The following SEMA3A variants were observed in gnomAD, a reference collection of about 807,000 sequenced individuals.
SEMA3A encodes semaphorin 3A.
In SEMA3A, 29 loss-of-function variants were observed where a neutral mutation model predicts 97.9. That is an observed-to-expected ratio of 0.30 (90% CI 0.22 to 0.40). The LOEUF is 0.40. Among genes scored for constraint, SEMA3A ranks in the 10% least tolerant of loss-of-function variants. The pLI is 1.00. For missense variants in SEMA3A, 763 were observed against 951.3 expected, an observed-to-expected ratio of 0.80 and a Z score of 2.60; for synonymous variants, 321 against 323.7, an observed-to-expected ratio of 0.99 and a Z score of 0.09.
intron 1 of SEMA3A, among the ~76,000 whole-genome samples, chr7:84,404,618 G>A (rs1584296554): frequency 6.6e-6 from 1 of 152,178 alleles, no homozygotes; most frequent in African/African-American, 2.4e-5. Flanking sequence ...TGAAATGAAG[G>A]AAAAAATGTT....
intron 1 of SEMA3A, among the ~76,000 whole-genome samples, chr7:84,156,222 AC>A (rs1291179032): frequency 6.6e-6 from 1 of 152,112 alleles, no homozygotes; most frequent in Admixed American, 6.5e-5. Flanking sequence ...ATACTTTCTT[AC>A]TTCTTAGGGT....
intron 15 of SEMA3A, among the ~76,000 whole-genome samples, chr7:83,974,882 TA>T (rs1256185989): frequency 2.0e-5 from 3 of 152,106 alleles, no homozygotes; most frequent in African/African-American, 7.2e-5. Flanking sequence ...CACAAACATC[TA>T]GAGTTGTTTA....
intron 1 of SEMA3A, among the ~76,000 whole-genome samples, chr7:84,434,883 G>C (rs898802639): frequency 6.6e-6 from 1 of 152,162 alleles, no homozygotes; most frequent in African/African-American, 2.4e-5. Flanking sequence ...AGCCATTTAT[G>C]ATTAATGCAT....
At chr7:83,997,895 C>T (rs1790282801) in intron 12 of SEMA3A, among the ~76,000 whole-genome samples, 1 of 151,960 alleles carries the variant, frequency 6.6e-6, no homozygotes, top group Admixed American at 6.6e-5. Context: ...TGCCACTACA[C>T]CCAGGTAATT....
At chr7:84,384,366 G>C (rs1803347845) in intron 1 of SEMA3A, among the ~76,000 whole-genome samples, 1 of 152,050 alleles carries the variant, frequency 6.6e-6, no homozygotes, top group Non-Finnish European at 1.5e-5. Flanking sequence ...TGTAAGAACA[G>C]AAATAAACAT....
chr7:84,196,942 T>C (rs1176754694), upstream of SEMA3A, among the ~76,000 whole-genome samples: 1 of 152,108 alleles, frequency 6.6e-6, no homozygotes, highest in Non-Finnish European at 1.5e-5. Context: ...ATAATAAAAT[T>C]TATAAGTGTA....
chr7:84,403,835 T>C (rs1474232147), intron 1 of SEMA3A, among the ~76,000 whole-genome samples: 1 of 152,168 alleles, frequency 6.6e-6, no homozygotes, highest in Non-Finnish European at 1.5e-5. Flanking sequence ...CTGAGGGTCC[T>C]GACTGTTAGA....
At chr7:84,346,258 T>C (rs1802297769) in intron 2 of SEMA3A, among the ~76,000 whole-genome samples, 2 of 152,236 alleles carry the variant, frequency 1.3e-5, no homozygotes, top group Non-Finnish European at 2.9e-5. Context: ...TGGTTTGATC[T>C]TCTATCCAGA....
intron 1 of SEMA3A, among the ~76,000 whole-genome samples, chr7:84,406,517 GAA>G (rs989636150): frequency 2.0e-5 from 3 of 152,028 alleles, no homozygotes; most frequent in Non-Finnish European, 4.4e-5. Flanking sequence ...CCAATCAACA[GAA>G]AAAGAGGGAA....
chr7:84,027,832 A>G (rs1053520898), intron 6 of SEMA3A, among the ~76,000 whole-genome samples: 1 of 151,220 alleles, frequency 6.6e-6, no homozygotes, highest in Non-Finnish European at 1.5e-5. Flanking sequence ...CATTATAAAG[A>G]TAATAGAGCT....
chr7:83,994,902 C>T (rs1471514537), intron 12 of SEMA3A, among the ~76,000 whole-genome samples: 3 of 152,102 alleles, frequency 2.0e-5, no homozygotes, highest in Admixed American at 2.0e-4. Flanking sequence ...ATGGCGGGCA[C>T]CCCTCCCCCA....
chr7:84,417,557 T>C (rs540346838), intron 1 of SEMA3A, among the ~76,000 whole-genome samples: 67 of 152,252 alleles, frequency 4.4e-4, no homozygotes, highest in African/African-American at 1.6e-3. Context: ...AAGTTTTAAA[T>C]TTTTTAGTGA....
In SEMA3A at chr7:84,155,880, T is replaced by C. The variant is rs181399231; in HGVS notation, c.113-20929A>G. On this transcript the variant is annotated intron_variant, in intron 1 of 16. Coordinates refer to ENST00000265362, the MANE Select transcript of SEMA3A (RefSeq NM_006080.3). ...CTCAGTTTTTGCTCAGAATATTTTATTTAACCCTATGATAGATTTATGACA... is the reference window on the plus strand; with the variant it reads ...CTCAGTTTTTGCTCAGAATATTTTACTTAACCCTATGATAGATTTATGACA... Among the ~76,000 whole-genome samples, 8 of 152,252 alleles carry C rather than the reference T, an allele frequency of 5.3e-5. No homozygotes were observed. In the East Asian group the frequency reaches 1.5e-3, roughly 29 times the overall value.
chr7:84,464,259 C>A (rs148792901), intron 1 of SEMA3A, among the ~76,000 whole-genome samples: 189 of 152,228 alleles, frequency 1.2e-3, no homozygotes, highest in African/African-American at 4.1e-3. Context: ...TGTCATGTGC[C>A]TGAGGTTGCA....
chr7:84,367,716 T>A (rs1802882679), intron 2 of SEMA3A, among the ~76,000 whole-genome samples: 1 of 150,976 alleles, frequency 6.6e-6, no homozygotes, highest in African/African-American at 2.4e-5. Context: ...AGACTTGCAT[T>A]TGGAATAATG....
At chr7:84,140,154 C>A (rs895349557) in intron 1 of SEMA3A, among the ~76,000 whole-genome samples, 1 of 152,078 alleles carries the variant, frequency 6.6e-6, no homozygotes, top group African/African-American at 2.4e-5. Context: ...GGATTGGGAA[C>A]ACTTACACAA....
rs558543262 is a variant in SEMA3A, at chr7:84,232,831, C to T, written c.-82-38163G>A. On this transcript the variant is annotated intron_variant, in intron 3 of 3. Transcript: ENST00000424555. ...TCACAAACATTTTGTCATCTTTGCT[C>T]TTCTAGGTGCTTTCCCTTCTCAGCA... Among the ~76,000 whole-genome samples the T allele has an allele frequency of 6.6e-5, 10 of 152,006 alleles. 1 individual carries two copies. The South Asian group carries it at 1.9e-3, about 28-fold the overall frequency.
chr7:84,328,290 TG>T (rs1320220800), intron 2 of SEMA3A, among the ~76,000 whole-genome samples: 3 of 152,142 alleles, frequency 2.0e-5, no homozygotes, highest in Non-Finnish European at 4.4e-5. Flanking sequence ...AATACTCATT[TG>T]CATTGCCACA....
chr7:84,334,722 C>G (rs1355258981), intron 2 of SEMA3A, among the ~76,000 whole-genome samples: 3 of 151,186 alleles, frequency 2.0e-5, no homozygotes, highest in Non-Finnish European at 4.4e-5. Flanking sequence ...ACTTGCCCCC[C>G]TGCTTCTTCC....
Sources: allele counts gnomAD v4.1 joint callset (sites outside exome capture counted in the v4.1 genomes callset), GRCh38; gene constraint gnomAD v4.1.1; transcripts MANE v1.5; gene names NCBI Gene and HGNC (gene_info 2026-07-23, HGNC 2026-07-21).